Variants in ALK observed in about 807,000 individuals in gnomAD.
The protein encoded by ALK is ALK receptor tyrosine kinase, also known as ALK tyrosine kinase receptor.
In ALK, 74 loss-of-function variants were observed where a neutral mutation model predicts 163.1. The observed-to-expected ratio is 0.45, with a 90% CI of 0.38 to 0.55. The LOEUF (loss-of-function observed/expected upper bound fraction) is 0.55. Among genes scored for constraint, ALK ranks in the 20% least tolerant of loss-of-function variants. The pLI is 0.00. For synonymous variants in ALK, 960 were observed against 843.2 expected (o/e 1.14, Z -2.40); for missense variants, 2,063 against 2,105.3 (o/e 0.98, Z 0.39).
intron 1 of ALK, among the ~76,000 whole-genome samples, chr2:29,836,777 G>T (rs1665572652): frequency 1.3e-5 from 2 of 152,192 alleles, no homozygotes; most frequent in African/African-American, 4.8e-5. Context: ...ACCAGGAGCT[G>T]AAAAATGTCA....
intron 3 of ALK, among the ~76,000 whole-genome samples, chr2:29,624,487 G>T (rs938812949): frequency 1.3e-5 from 2 of 152,166 alleles, no homozygotes; most frequent in Non-Finnish European, 2.9e-5. Context: ...AGAGGAGCGG[G>T]TGGAGCTTGG....
intron 26 of ALK, among the ~76,000 whole-genome samples, chr2:29,198,803 A>T (rs1019693421): frequency 6.6e-5 from 10 of 152,146 alleles, no homozygotes; most frequent in African/African-American, 2.4e-4. Flanking sequence ...AGTGTTTATT[A>T]ATTCATTTCA....
intron 1 of ALK, among the ~76,000 whole-genome samples, chr2:29,876,829 A>G (rs1189197736): frequency 6.6e-6 from 1 of 151,204 alleles, no homozygotes; most frequent in Non-Finnish European, 1.5e-5. Context: ...ATGAAGGTGA[A>G]GATGACAATA....
intron 2 of ALK, among the ~76,000 whole-genome samples, chr2:29,702,567 T>C (rs1678775259): frequency 1.3e-5 from 2 of 152,232 alleles, no homozygotes; most frequent in African/African-American, 2.4e-5. Context: ...GGGCTTAAAG[T>C]TCCCTTCTAG....
At chr2:29,813,821 A>G (rs1208351714) in intron 1 of ALK, among the ~76,000 whole-genome samples, 1 of 152,244 alleles carries the variant, frequency 6.6e-6, no homozygotes, top group South Asian at 2.1e-4. Flanking sequence ...CATCAGTCCC[A>G]TAAGCAGCTT....
intron 5 of ALK, among the ~76,000 whole-genome samples, chr2:29,377,403 A>G (rs969399575): frequency 1.4e-5 from 2 of 142,536 alleles, no homozygotes; most frequent in African/African-American, 5.2e-5. Flanking sequence ...TGAACCCAGG[A>G]GGTGGAGGTT....
chr2:29,272,746 T>C (rs1005333991), intron 11 of ALK, among the ~76,000 whole-genome samples: 2 of 152,226 alleles, frequency 1.3e-5, no homozygotes, highest in African/African-American at 4.8e-5. Context: ...GGGAGCTGAT[T>C]TGTTTACTGT....
chr2:29,713,566 C>A lies in ALK; in HGVS notation c.787+4012G>T, dbSNP rs1330955188. Reference sequence around the variant, plus strand: ...ATCATTTAGCTAAACACCAGGTCATCCAGGAAGTGGGCATGCTCTCCAGGC... The same window carrying A: ...ATCATTTAGCTAAACACCAGGTCATACAGGAAGTGGGCATGCTCTCCAGGC... On this transcript the variant is annotated intron_variant, in intron 2 of 28. Transcript: ENST00000389048. Among the ~76,000 whole-genome samples, 3 of 152,252 alleles carry A rather than the reference C, an allele frequency of 2.0e-5. No homozygotes were observed. In the South Asian group the frequency reaches 6.2e-4, roughly 32 times the overall value.
At chr2:29,525,889 T>C (rs1426653009) in intron 4 of ALK, among the ~76,000 whole-genome samples, 1 of 152,088 alleles carries the variant, frequency 6.6e-6, no homozygotes, top group Non-Finnish European at 1.5e-5. Context: ...AGACCTACTA[T>C]GTTAATCGCT....
intron 5 of ALK, among the ~76,000 whole-genome samples, chr2:29,353,198 C>G (rs925151010): frequency 6.6e-6 from 1 of 152,226 alleles, no homozygotes; most frequent in Admixed American, 6.5e-5. Flanking sequence ...CTCAATGGAT[C>G]ATCTGGCACC....
At chr2:29,409,917 C>G (rs1669687253) in intron 4 of ALK, among the ~76,000 whole-genome samples, 1 of 152,146 alleles carries the variant, frequency 6.6e-6, no homozygotes, top group Non-Finnish European at 1.5e-5. Context: ...GGCTGTTCAT[C>G]TTTTCTCTGC....
At chr2:29,570,259 G>GGAGC (rs558577076) in intron 3 of ALK, among the ~76,000 whole-genome samples, 1 of 152,216 alleles carries the variant, frequency 6.6e-6, no homozygotes, top group Non-Finnish European at 1.5e-5. Context: ...TAAAGAAATA[G>GGAGC]GAGCGATCAA....
chr2:29,674,581 A>AT (rs1410562386), intron 3 of ALK, among the ~76,000 whole-genome samples: 1 of 150,930 alleles, frequency 6.6e-6, no homozygotes, highest in Non-Finnish European at 1.5e-5. Flanking sequence ...TTTTGCCAGT[A>AT]TTTTATTGAG....
At chr2:29,771,638 C>A (rs1681028129) in intron 1 of ALK, among the ~76,000 whole-genome samples, 2 of 152,054 alleles carry the variant, frequency 1.3e-5, no homozygotes, top group Admixed American at 1.3e-4. Context: ...GGGTTCATAC[C>A]ATTCTCCTGC....
rs1200419863 is a variant in ALK at position 29,787,289 on chromosome 2, GAC to G, written c.668-69594_668-69593del. On this transcript the variant is annotated intron_variant, in intron 1 of 28. Transcript: ENST00000389048. ...GAATACATGTACTTACTATGTCCGA[GAC>G]ACAGTGCTGGGTGCTGGGTAGGGGA... Among the ~76,000 whole-genome samples, 8 of 152,272 alleles carry G rather than the reference GAC, an allele frequency of 5.3e-5. No individual in the cohort carries two copies. The East Asian group carries it at 1.5e-3, about 29-fold the overall frequency.
chr2:29,849,914 T>G (rs959179647), intron 1 of ALK, among the ~76,000 whole-genome samples: 1 of 152,176 alleles, frequency 6.6e-6, no homozygotes, highest in South Asian at 2.1e-4. Context: ...ATTCTTTTTT[T>G]ATTTGTTTCC....
At chr2:29,637,324 G>C (rs1261389150) in intron 3 of ALK, among the ~76,000 whole-genome samples, 1 of 152,092 alleles carries the variant, frequency 6.6e-6, no homozygotes. Flanking sequence ...AGTAAGAAAA[G>C]CCAAGTTCAA....
chr2:29,699,313 G>T (rs749026992), intron 2 of ALK, among the ~76,000 whole-genome samples: 9 of 152,150 alleles, frequency 5.9e-5, no homozygotes, highest in Non-Finnish European at 1.3e-4. Flanking sequence ...TACCTCATCT[G>T]CAGAACAACA....
intron 1 of ALK, among the ~76,000 whole-genome samples, chr2:29,844,029 G>T (rs1665773061): frequency 6.6e-6 from 1 of 152,180 alleles, no homozygotes; most frequent in Admixed American, 6.5e-5. Flanking sequence ...GAGAATACAG[G>T]ATGGATAATC....
Sources: allele counts gnomAD v4.1 joint callset (sites outside exome capture counted in the v4.1 genomes callset), GRCh38; gene constraint gnomAD v4.1.1; transcripts MANE v1.5; gene names NCBI Gene and HGNC (gene_info 2026-07-23, HGNC 2026-07-21).